Variants in HERPUD2 observed in about 807,000 individuals in gnomAD.
HERPUD2 encodes the protein homocysteine-responsive endoplasmic reticulum-resident ubiquitin-like domain member 2 protein.
In HERPUD2, 13 loss-of-function variants were observed where a neutral mutation model predicts 49.9. The observed-to-expected ratio is 0.26, with a 90% confidence interval of 0.17 to 0.41. The LOEUF is 0.41. Among genes scored for constraint, HERPUD2 ranks in the 10% least tolerant of loss-of-function variants. The probability of loss-of-function intolerance (pLI) is 1.00; values close to 1 mark genes in which losing one functional copy is unlikely to be tolerated. For missense variants in HERPUD2, 449 were observed against 492.2 expected (o/e 0.91, Z 0.83); for synonymous variants, 172 against 171.4 (o/e 1.00, Z -0.03).
chr7:35,692,612 T>TAACA (rs1786216840), intron 2 of HERPUD2, among the ~76,000 whole-genome samples: 2 of 152,358 alleles, frequency 1.3e-5, no homozygotes, highest in Non-Finnish European at 2.9e-5. Flanking sequence ...ACAGGGGCTC[T>TAACA]AACTAGTTTA....
At chr7:35,678,737 T>C (rs917262031) in intron 2 of HERPUD2, among the ~76,000 whole-genome samples, 7 of 152,122 alleles carry the variant, frequency 4.6e-5, no homozygotes, top group African/African-American at 1.4e-4. Flanking sequence ...CTAACTTATG[T>C]TTTTTTATTT....
At chr7:35,680,389 G>C (rs1785854837) in intron 2 of HERPUD2, among the ~76,000 whole-genome samples, 1 of 152,136 alleles carries the variant, frequency 6.6e-6, no homozygotes, top group Non-Finnish European at 1.5e-5. Flanking sequence ...TAGCCTGGGT[G>C]ACAGAGGAAG....
At chr7:35,682,896 A>C (rs1396309161) in intron 2 of HERPUD2, among the ~76,000 whole-genome samples, 2 of 152,106 alleles carry the variant, frequency 1.3e-5, no homozygotes, top group South Asian at 4.1e-4. Context: ...GAAAAACAAC[A>C]AAACACTGGT....
At chr7:35,648,982 TGGCTCAC>T (rs1785107372) in intron 5 of HERPUD2, among the ~76,000 whole-genome samples, 1 of 152,238 alleles carries the variant, frequency 6.6e-6, no homozygotes, top group Non-Finnish European at 1.5e-5. Context: ...CCGGGAGCAG[TGGCTCAC>T]GCCTGTAATC....
intron 5 of HERPUD2, among the ~76,000 whole-genome samples, chr7:35,639,550 T>C (rs1436977861): frequency 6.6e-6 from 1 of 152,170 alleles, no homozygotes. Context: ...GAAAATCACA[T>C]ATATCAAGAC....
At chr7:35,679,795 T>C (rs999861537) in intron 2 of HERPUD2, among the ~76,000 whole-genome samples, 1 of 152,188 alleles carries the variant, frequency 6.6e-6, no homozygotes, top group African/African-American at 2.4e-5. Context: ...AATTCTACAA[T>C]GCATTTCAAT....
chr7:35,663,387 G>A (rs1785469516), intron 5 of HERPUD2, among the ~76,000 whole-genome samples: 1 of 152,216 alleles, frequency 6.6e-6, no homozygotes, highest in Non-Finnish European at 1.5e-5. Context: ...TGTTGTTTTG[G>A]AGTGGAGAGT....
chr7:35,688,637 C>A (rs1786115848), intron 2 of HERPUD2, among the ~76,000 whole-genome samples: 1 of 152,192 alleles, frequency 6.6e-6, no homozygotes, highest in Non-Finnish European at 1.5e-5. Context: ...GTGTTAGCAC[C>A]ATAGTAAGGC....
chr7:35,648,428 T>C (rs948138658), intron 5 of HERPUD2, among the ~76,000 whole-genome samples: 3 of 152,212 alleles, frequency 2.0e-5, no homozygotes, highest in Non-Finnish European at 4.4e-5. Flanking sequence ...AGTAGACTGC[T>C]GAGCCATGAT....
At chr7:35,692,564 T>C (rs1050033504) in intron 2 of HERPUD2, among the ~76,000 whole-genome samples, 2 of 152,232 alleles carry the variant, frequency 1.3e-5, no homozygotes, top group African/African-American at 4.8e-5. Context: ...TCTTACTCCC[T>C]GTGTAAATCT....
intron 2 of HERPUD2, among the ~76,000 whole-genome samples, chr7:35,685,893 G>A (rs1468976526): frequency 3.3e-5 from 5 of 151,896 alleles, no homozygotes; most frequent in Admixed American, 1.3e-4. Flanking sequence ...CCTGGGAGGC[G>A]GAGGTTGCGG....
chr7:35,680,769 G>A (rs1785866621), intron 2 of HERPUD2, among the ~76,000 whole-genome samples: 1 of 152,182 alleles, frequency 6.6e-6, no homozygotes, highest in Non-Finnish European at 1.5e-5. Flanking sequence ...CACACATCCT[G>A]TTTATATCCT....
chr7:35,673,025 T>C (rs1785675962), intron 3 of HERPUD2, among the ~76,000 whole-genome samples, 176 bp downstream of exon 3: 1 of 152,172 alleles, frequency 6.6e-6, no homozygotes, highest in South Asian at 2.1e-4. Flanking sequence ...ACAGAACTGT[T>C]ACCTAAACTA....
intron 5 of HERPUD2, among the ~76,000 whole-genome samples, chr7:35,651,792 G>A (rs559300675): frequency 5.4e-5 from 8 of 149,418 alleles, no homozygotes; most frequent in African/African-American, 1.7e-4. Flanking sequence ...AAAGAAGCAA[G>A]AGAATTCAGA....
At chr7:35,659,828 ATTTTTCTTT>A (rs1341070612) in intron 5 of HERPUD2, among the ~76,000 whole-genome samples, 6 of 151,118 alleles carry the variant, frequency 4.0e-5, no homozygotes, top group Admixed American at 1.3e-4. Context: ...AATATTTGAG[ATTTTTCTTT>A]TTTTTCTTTT....
In HERPUD2 at chr7:35,682,357, G is replaced by GTA. The variant is rs3052526; in HGVS notation, c.148-9081_148-9080dup. On this transcript the variant is annotated intron_variant, in intron 2 of 8. Transcript: ENST00000311350. Reference sequence around the variant, plus strand: ...TGTGTGTGTGTGTGTGTGTGTGTGTGTATATATATATATATATATATATAT... The same window carrying GTA: ...TGTGTGTGTGTGTGTGTGTGTGTGTGTATATATATATATATATATATATATAT... Among the ~76,000 whole-genome samples the GTA allele has an allele frequency of 4.8e-3, 124 of 25,822 alleles. 20 individuals carry two copies. The highest frequency in any genetic ancestry group is 0.016 in the African/African-American group (113 of 6,964). 16.9% of individuals were successfully genotyped at this position (25,822 alleles called of 152,430 possible).
chr7:35,636,685 G>C (rs1219101481), intron 6 of HERPUD2, among the ~76,000 whole-genome samples: 1 of 152,148 alleles, frequency 6.6e-6, no homozygotes, highest in African/African-American at 2.4e-5. Flanking sequence ...TTATGAAAGA[G>C]AGCCTTAGGA....
At chr7:35,639,815 G>A (rs2060725) in intron 5 of HERPUD2, among the ~76,000 whole-genome samples, 19,536 of 152,154 alleles carry the variant, frequency 0.13, 1,513 homozygotes, top group East Asian at 0.25. Context: ...TTAAAGAAAC[G>A]TGGTGCTAGG....
intron 7 of HERPUD2, among the ~76,000 whole-genome samples, chr7:35,634,796 C>G (rs10230338): frequency 0.31 from 47,571 of 152,094 alleles, 8,158 homozygotes; most frequent in Non-Finnish European, 0.38. Context: ...TGGCTTATAC[C>G]TATAGAACTT....
Sources: allele counts gnomAD v4.1 joint callset (sites outside exome capture counted in the v4.1 genomes callset), GRCh38; gene constraint gnomAD v4.1.1; transcripts MANE v1.5; gene names NCBI Gene and HGNC (gene_info 2026-07-23, HGNC 2026-07-21).